CELF1: variants seen among roughly 807,000 people sequenced by gnomAD.
CELF1 encodes the protein 50 kDa nuclear polyadenylated RNA-binding protein.
CELF1 carries 10 observed loss-of-function variants against 61.8 expected under a neutral mutation model. That is an observed-to-expected ratio of 0.16 (90% confidence interval 0.10 to 0.27). The LOEUF (loss-of-function observed/expected upper bound fraction) is 0.27. CELF1 is among the 10% of genes least tolerant of loss of function. The pLI is 1.00. For synonymous variants in CELF1, 236 were observed against 225.1 expected, an observed-to-expected ratio of 1.05 and a Z score of -0.43; for missense variants, 380 against 639.1, an observed-to-expected ratio of 0.59 and a Z score of 4.37.
chr11:47,519,586 C>A (rs1359586940), intron 1 of CELF1, among the ~76,000 whole-genome samples: 1 of 152,060 alleles, frequency 6.6e-6, no homozygotes, highest in Non-Finnish European at 1.5e-5. Context: ...GTGCTTCTCG[C>A]CGGGCGTGGT....
intron 9 of CELF1, among the ~76,000 whole-genome samples, chr11:47,479,509 C>G (rs1421463063): frequency 6.6e-6 from 1 of 152,250 alleles, no homozygotes; most frequent in African/African-American, 2.4e-5. Context: ...AGCTACACAT[C>G]TATCCAACCT....
At chr11:47,496,716 G>A (rs1246512638) in intron 3 of CELF1, among the ~76,000 whole-genome samples, 1 of 152,158 alleles carries the variant, frequency 6.6e-6, no homozygotes, top group Non-Finnish European at 1.5e-5. Context: ...GATGGGAAAA[G>A]TGGGATAACA....
chr11:47,556,135 C>T (rs1431718141), upstream of CELF1, among the ~76,000 whole-genome samples: 1 of 151,918 alleles, frequency 6.6e-6, no homozygotes, highest in Non-Finnish European at 1.5e-5. Flanking sequence ...GGAATTTATC[C>T]TAAGGGAATA....
intron 9 of CELF1, 158 bp downstream of exon 9, chr11:47,482,537 C>G (rs1013182450): frequency 6.1e-5 from 36 of 591,986 alleles, no homozygotes; most frequent in Non-Finnish European, 9.9e-5. Context: ...GAGAAAGAGA[C>G]TAACAGGACT....
chr11:47,533,701 T>C (rs1249326851), intron 1 of CELF1, among the ~76,000 whole-genome samples: 1 of 150,568 alleles, frequency 6.6e-6, no homozygotes, highest in Non-Finnish European at 1.5e-5. Flanking sequence ...TCCCAGCTAC[T>C]TGGGAGGCTA....
intron 1 of CELF1, among the ~76,000 whole-genome samples, chr11:47,532,608 G>C (rs1366437607): frequency 6.6e-6 from 1 of 152,048 alleles, no homozygotes; most frequent in Non-Finnish European, 1.5e-5. Flanking sequence ...CCAATGTGTG[G>C]GTAGAAACAA....
intron 1 of CELF1, among the ~76,000 whole-genome samples, chr11:47,565,008 C>T (rs574160954): frequency 3.9e-5 from 6 of 152,048 alleles, no homozygotes; most frequent in African/African-American, 1.2e-4. Context: ...AGGAGGAAGG[C>T]GACCTCAACC....
At chr11:47,510,928 T>A (rs939950485) in intron 1 of CELF1, among the ~76,000 whole-genome samples, 2 of 151,662 alleles carry the variant, frequency 1.3e-5, no homozygotes, top group African/African-American at 4.8e-5. Context: ...ATACCTATAA[T>A]CCCAACACTC....
intron 1 of CELF1, among the ~76,000 whole-genome samples, chr11:47,531,686 C>A (rs1476730526): frequency 6.6e-6 from 1 of 152,228 alleles, no homozygotes; most frequent in Non-Finnish European, 1.5e-5. Flanking sequence ...AAATGCACCA[C>A]AAAAACACAA....
At chr11:47,564,849 T>G (rs530417684) in intron 1 of CELF1, among the ~76,000 whole-genome samples, 4 of 152,182 alleles carry the variant, frequency 2.6e-5, no homozygotes, top group African/African-American at 9.7e-5. Flanking sequence ...TACCTTTTTG[T>G]AGGTTGCAGG....
rs769591186 is a variant in CELF1, at chr11:47,477,432, C to T, written c.845-7G>A. ...AACTGCATTGCATTCAACCCTACAA[C>T]ATCCAAAGCAAGAGATTAGCCAGCA... On this transcript the variant is annotated splice_polypyrimidine_tract_variant and splice_region_variant and intron_variant, in intron 10 of 14. Transcript: ENST00000687097. 2.5e-6 allele frequency: 4 copies of T among 1,612,850 alleles called. No homozygotes were observed. The South Asian group carries it at 4.4e-5, about 18-fold the overall frequency.
rs1388686019 is a variant in CELF1, at chr11:47,472,330, G to A, written c.1445C>T (p.Ser482Leu). 1.9e-6 allele frequency: 3 copies of A among 1,614,050 alleles called. No homozygotes were observed. The highest frequency in any genetic ancestry group is 1.3e-5 in the African/African-American group (1 of 75,022). The part of the protein sequence containing the change: ...FGFVSYDNPV[S>L]AQAAIQSMNG... Reference sequence around the variant, plus strand: ...CATGGACTGGATGGCAGCTTGGGCCGAAACAGGATTGTCGTAACTTACAAA... The same window carrying A: ...CATGGACTGGATGGCAGCTTGGGCCAAAACAGGATTGTCGTAACTTACAAA... Residue 482 changes from serine (S) to leucine (L), a missense_variant, in exon 15 of 15, where the codon TCG becomes TTG. Physicochemically the swap from Ser to Leu is moderately radical, Grantham distance 145. Coordinates refer to ENST00000687097, the MANE Select transcript of CELF1 (RefSeq NM_001376376.1).
chr11:47,534,218 T>TG (rs2096572748), intron 1 of CELF1, among the ~76,000 whole-genome samples: 2 of 150,976 alleles, frequency 1.3e-5, no homozygotes, highest in Non-Finnish European at 3.0e-5. Context: ...CTAGTAGAGA[T>TG]GGGGTTTCAC....
At chr11:47,522,847 A>T (rs866675087) in intron 1 of CELF1, among the ~76,000 whole-genome samples, 78 of 151,468 alleles carry the variant, frequency 5.1e-4, no homozygotes, top group African/African-American at 1.8e-3. Flanking sequence ...AAAAAAAAGC[A>T]AACTTGAAGT....
At chr11:47,480,760 C>CCCAGTGGTTCA (rs2082551458) in intron 9 of CELF1, among the ~76,000 whole-genome samples, 1 of 152,162 alleles carries the variant, frequency 6.6e-6, no homozygotes, top group South Asian at 2.1e-4. Context: ...TATAACCGGA[C>CCCAGTGGTTCA]CCAGTGGTTC....
intron 2 of CELF1, 122 bp downstream of exon 2, chr11:47,500,739 C>T (rs1013665565): frequency 1.3e-5 from 5 of 394,118 alleles, no homozygotes; most frequent in Non-Finnish European, 8.9e-6. Flanking sequence ...TTTAGCTCCA[C>T]ATCCCCCCAA....
intron 1 of CELF1, among the ~76,000 whole-genome samples, chr11:47,521,572 G>A (rs1359299303): frequency 6.6e-6 from 1 of 152,126 alleles, no homozygotes; most frequent in Non-Finnish European, 1.5e-5. Context: ...GCACAAAATG[G>A]TTACACAAAC....
chr11:47,472,951 A>G, intron 14 of CELF1, 137 bp downstream of exon 14: 1 of 840,154 alleles, frequency 1.2e-6, no homozygotes, highest in Non-Finnish European at 1.8e-6. Flanking sequence ...GGGCTCAAAA[A>G]GAGGTCATAA....
At chr11:47,486,022 G>A (rs1328968808) in intron 6 of CELF1, among the ~76,000 whole-genome samples, 5 of 138,814 alleles carry the variant, frequency 3.6e-5, no homozygotes, top group Admixed American at 1.4e-4. Flanking sequence ...TTAGCCGGGC[G>A]TGGTGGCAGG....
Sources: gnomAD v4.1 joint callset for allele counts (sites outside exome capture counted in the v4.1 genomes callset) on GRCh38, gnomAD v4.1.1 for gene constraint, MANE v1.5 for transcripts, NCBI Gene and HGNC (gene_info 2026-07-23, HGNC 2026-07-21) for gene names.